GCSH: variants seen among roughly 807,000 people sequenced by gnomAD.
GCSH encodes the protein glycine cleavage system protein H.
In GCSH, 15 loss-of-function variants were observed where a neutral mutation model predicts 21.3. That is an observed-to-expected ratio of 0.70 (90% confidence interval 0.47 to 1.08). The LOEUF (loss-of-function observed/expected upper bound fraction) is 1.08. Ranked by LOEUF, GCSH falls within the 50% of genes least tolerant of loss-of-function variation. The probability of loss-of-function intolerance (pLI) is 0.00; values close to 1 mark genes in which losing one functional copy is unlikely to be tolerated. For missense variants in GCSH, 179 were observed against 217.5 expected, an observed-to-expected ratio of 0.82 and a Z score of 1.11; for synonymous variants, 59 against 84.5, an observed-to-expected ratio of 0.70 and a Z score of 1.66.
Position 81,082,751 on chromosome 16 carries a change from T to C in GCSH, c.*115A>G. The C allele has an allele frequency of 9.3e-6, 6 of 641,908 alleles. No individual in the cohort carries two copies. The highest frequency in any genetic ancestry group is 8.4e-6 in the Non-Finnish European group (3 of 356,134). 39.8% of individuals were successfully genotyped at this position (641,908 alleles called of 1,614,324 possible). A position where few individuals can be genotyped will look rare whatever the true frequency, so the allele number is the denominator to read the frequency against. Reference sequence around the variant, plus strand: ...ATTAGCAGTGTTAACAGTAGTTTTTTTTTCCCCATCGGTAATACTAAAAGT... The same window carrying C: ...ATTAGCAGTGTTAACAGTAGTTTTTCTTTCCCCATCGGTAATACTAAAAGT... On this transcript the variant is annotated 3_prime_UTR_variant, in exon 5 of 5. Transcript: ENST00000315467.
chr16:81,093,350 T>G (rs915127274), intron 1 of GCSH, among the ~76,000 whole-genome samples: 2 of 152,160 alleles, frequency 1.3e-5, no homozygotes, highest in African/African-American at 4.8e-5. Context: ...TTCTTTGACC[T>G]TGCCATCTTG....
intron 4 of GCSH, chr16:81,083,587 T>C (rs186243201): frequency 1.3e-5 from 2 of 154,652 alleles, no homozygotes; most frequent in Admixed American, 6.4e-5. Flanking sequence ...CTTTAACAAA[T>C]GGAACACTAA....
chr16:81,093,210 T>C (rs1289977264), intron 1 of GCSH, among the ~76,000 whole-genome samples: 1 of 152,174 alleles, frequency 6.6e-6, no homozygotes. Flanking sequence ...TATATAGTTA[T>C]TTGTCTTTAA....
intron 4 of GCSH, 116 bp from the exon 5 acceptor site, chr16:81,083,079 C>T (rs1213818948): frequency 2.7e-5 from 21 of 764,490 alleles, no homozygotes; most frequent in South Asian, 1.1e-4. Context: ...AAAAACCATA[C>T]ATTATTTGTT....
chr16:81,086,423 T>C (rs1186214077), intron 3 of GCSH, among the ~76,000 whole-genome samples: 1 of 150,664 alleles, frequency 6.6e-6, no homozygotes, highest in Non-Finnish European at 1.5e-5. Flanking sequence ...CTGGTGTGGT[T>C]GTGCATGCCT....
At position 81,096,117 on chromosome 16, in the gene GCSH, C is replaced by T. The variant is rs1972501159; in HGVS notation, c.148+14G>A. The T allele has an allele frequency of 2.4e-6, 3 of 1,246,526 alleles. No individual in the cohort carries two copies. The highest frequency in any genetic ancestry group is 3.0e-6 in the Non-Finnish European group (3 of 995,378). 77.2% of individuals were successfully genotyped at this position (1,246,526 alleles called of 1,614,324 possible). A position where few individuals can be genotyped will look rare whatever the true frequency, so the allele number is the denominator to read the frequency against. ...CGGGGAGGGAGCAGCCGCCCACGTG[C>T]CCGCCGCGCTTACCCGAGAGCAGAG... On this transcript the variant is annotated intron_variant, in intron 1 of 4. Coordinates refer to ENST00000315467, the MANE Select transcript of GCSH (RefSeq NM_004483.5).
chr16:81,084,322 T>C (rs1354832560), intron 4 of GCSH, 141 bp downstream of exon 4: 1 of 746,330 alleles, frequency 1.3e-6, no homozygotes, highest in African/African-American at 1.8e-5. Context: ...AACCTCTGTT[T>C]TTCTTTTAAA....
At chr16:81,085,887 T>C (rs1213590454) in intron 3 of GCSH, among the ~76,000 whole-genome samples, 7,206 of 11,800 alleles carry the variant, frequency 0.61, 2,749 homozygotes, top group East Asian at 0.87. Flanking sequence ...CCGGGCGCGG[T>C]GGCTCACGCC....
In GCSH at chr16:81,093,734, T is replaced by A. The variant is rs11150339; in HGVS notation, c.148+2397A>T. 1.0e-2 allele frequency among the ~76,000 whole-genome samples: 1,513 copies of A among 151,968 alleles called. 16 individuals are homozygous for A. The highest frequency in any genetic ancestry group is 0.034 in the African/African-American group (1,417 of 41,454). On this transcript the variant is annotated intron_variant, in intron 1 of 4. Coordinates refer to ENST00000315467, the MANE Select transcript of GCSH (RefSeq NM_004483.5). The stretch of plus-strand genomic sequence containing the variant: ...CGGGCACCTATAATCCCAGCTACCC[T>A]GGAGGCTGAGGCAGGAGAATCACTT...
chr16:81,084,176 A>G (rs550367750), intron 4 of GCSH: 64 of 533,872 alleles, frequency 1.2e-4, no homozygotes, highest in African/African-American at 1.0e-3. Context: ...ACAGAGTTTC[A>G]CCATGTTGCC....
rs770976943 is a variant in GCSH at position 81,084,602 on chromosome 16, G to C, written c.293-8C>G. 2 of 1,593,466 alleles carry C rather than the reference G, an allele frequency of 1.3e-6. No individual in the cohort carries two copies. The highest frequency in any genetic ancestry group is 2.7e-5 in the African/African-American group (2 of 73,808). On this transcript the variant is annotated splice_polypyrimidine_tract_variant and splice_region_variant and intron_variant, in intron 3 of 4. Transcript: ENST00000315467. ...CCAAAGCACCAAACTCATCTAAGTG[G>C]AAAAAAAATTAAAGAAAACATGAAA...
chr16:81,087,285 G>A (rs1327496199), intron 3 of GCSH, among the ~76,000 whole-genome samples: 1 of 152,048 alleles, frequency 6.6e-6, no homozygotes, highest in Non-Finnish European at 1.5e-5. Flanking sequence ...CAGCATTTTG[G>A]GAGGCCAAGG....
chr16:81,093,685 C>G (rs941586935), intron 1 of GCSH, among the ~76,000 whole-genome samples: 2 of 151,798 alleles, frequency 1.3e-5, no homozygotes, highest in African/African-American at 4.8e-5. Context: ...TACTAAAATA[C>G]AAAAAATTGG....
At chr16:81,088,383 C>G (rs531987328) in intron 2 of GCSH, among the ~76,000 whole-genome samples, 2 of 152,322 alleles carry the variant, frequency 1.3e-5, no homozygotes, top group South Asian at 4.1e-4. Flanking sequence ...CTGCCCCACA[C>G]AAGACTGCTA....
At chr16:81,086,739 G>GA (rs1415883973) in intron 3 of GCSH, among the ~76,000 whole-genome samples, 1 of 123,526 alleles carries the variant, frequency 8.1e-6, no homozygotes. Context: ...AAATTTAATC[G>GA]AAAAAAAATT....
chr16:81,087,412 C>G (rs1166265052), intron 3 of GCSH, among the ~76,000 whole-genome samples, 189 bp downstream of exon 3: 1 of 151,758 alleles, frequency 6.6e-6, no homozygotes, highest in African/African-American at 2.4e-5. Flanking sequence ...ACACAAGAAT[C>G]GCTTTAACCC....
intron 2 of GCSH, among the ~76,000 whole-genome samples, chr16:81,089,987 C>G (rs1052530827): frequency 1.1e-4 from 17 of 152,178 alleles, no homozygotes; most frequent in African/African-American, 3.1e-4. Context: ...GACATGTTTC[C>G]TACTTTCAGT....
In GCSH at chr16:81,084,455, C is replaced by T. The variant is rs772273778; in HGVS notation, c.424+8G>A. 2.7e-5 allele frequency: 43 copies of T among 1,606,732 alleles called. No individual in the cohort carries two copies. The highest frequency in any genetic ancestry group is 3.3e-4 in the Middle Eastern group (2 of 6,064). On this transcript the variant is annotated splice_region_variant and intron_variant, in intron 4 of 4. Coordinates refer to ENST00000315467, the MANE Select transcript of GCSH (RefSeq NM_004483.5). Reference sequence around the variant, plus strand: ...TAATTCCTTGAGAAATTTCTAGCAACAGCTTACCATCTTCATAACAAGATT... The same window carrying T: ...TAATTCCTTGAGAAATTTCTAGCAATAGCTTACCATCTTCATAACAAGATT...
chr16:81,087,570 T>TG, intron 3 of GCSH, 31 bp downstream of exon 3: 1 of 1,432,264 alleles, frequency 7.0e-7, no homozygotes, highest in Non-Finnish European at 9.8e-7. Context: ...ATTCATGGCA[T>TG]GGATCATTCT....
Sources: allele counts gnomAD v4.1 joint callset (sites outside exome capture counted in the v4.1 genomes callset), GRCh38; gene constraint gnomAD v4.1.1; transcripts MANE v1.5; gene names NCBI Gene and HGNC (gene_info 2026-07-23, HGNC 2026-07-21).